The following LRP1B variants were observed in gnomAD, a reference collection of about 807,000 sequenced individuals.
LRP1B encodes the protein low-density lipoprotein receptor-related protein 1B.
Under a neutral mutation model 556.6 loss-of-function variants are expected in LRP1B, and 217 were observed. The ratio of observed to expected loss-of-function variants is 0.39; its 90% CI spans 0.35 to 0.44. The LOEUF (loss-of-function observed/expected upper bound fraction) is 0.44, where lower values mean the gene tolerates loss of function less well. Ranked by LOEUF, LRP1B falls within the 20% of genes least tolerant of loss-of-function variation. The probability of loss-of-function intolerance (pLI) is 1.00; values close to 1 mark genes in which losing one functional copy is unlikely to be tolerated. For synonymous variants in LRP1B, 2,047 were observed against 1,865.8 expected (o/e 1.10, Z -2.50); for missense variants, 5,053 against 5,620.8 (o/e 0.90, Z 3.23).
chr2:141,280,495 G>C (rs1031381336), intron 3 of LRP1B, among the ~76,000 whole-genome samples: 2 of 151,670 alleles, frequency 1.3e-5, no homozygotes, highest in Non-Finnish European at 2.9e-5. Context: ...AAATAATTGT[G>C]GTTTTTGCCA....
At chr2:140,665,788 G>C (rs1221730158) in intron 41 of LRP1B, among the ~76,000 whole-genome samples, 1 of 152,014 alleles carries the variant, frequency 6.6e-6, no homozygotes, top group East Asian at 1.9e-4. Flanking sequence ...TTTTCATAAA[G>C]AGTTGTTGTT....
intron 60 of LRP1B, among the ~76,000 whole-genome samples, chr2:140,468,854 T>G (rs549432118): frequency 6.6e-6 from 1 of 152,238 alleles, no homozygotes; most frequent in Non-Finnish European, 1.5e-5. Context: ...CTCTTTCTTC[T>G]TTCTCCTTTT....
chr2:141,494,897 A>G (rs1309273112), intron 2 of LRP1B, among the ~76,000 whole-genome samples: 1 of 151,616 alleles, frequency 6.6e-6, no homozygotes, highest in African/African-American at 2.4e-5. Context: ...CTAAACTACT[A>G]AATAGCTTCT....
intron 1 of LRP1B, among the ~76,000 whole-genome samples, chr2:141,995,425 C>G (rs1022698101): frequency 2.6e-5 from 4 of 152,078 alleles, no homozygotes; most frequent in African/African-American, 9.7e-5. Context: ...CTGACTCTTC[C>G]GCCTCCCTCT....
At chr2:141,794,087 T>A (rs191647796) in intron 2 of LRP1B, among the ~76,000 whole-genome samples, 2 of 151,954 alleles carry the variant, frequency 1.3e-5, no homozygotes, top group East Asian at 1.9e-4. Flanking sequence ...TCAGCCTTTT[T>A]TAAATTCCCA....
chr2:140,472,995 A>T (rs942035398), intron 60 of LRP1B, among the ~76,000 whole-genome samples: 1 of 152,230 alleles, frequency 6.6e-6, no homozygotes, highest in East Asian at 1.9e-4. Context: ...CACAAAAGTT[A>T]TCGATATAAA....
chr2:140,469,565 CT>C, intron 60 of LRP1B, among the ~76,000 whole-genome samples: 1 of 152,242 alleles, frequency 6.6e-6, no homozygotes, highest in Non-Finnish European at 1.5e-5. Context: ...TGCATGCTTT[CT>C]TTTATAGTAA....
chr2:141,212,624 A>G (rs996535757), intron 6 of LRP1B, among the ~76,000 whole-genome samples: 1 of 152,004 alleles, frequency 6.6e-6, no homozygotes, highest in Non-Finnish European at 1.5e-5. Context: ...AAAACAAAAC[A>G]GAAATAACCC....
intron 78 of LRP1B, 146 bp downstream of exon 78, chr2:140,335,469 T>A (rs958394438): frequency 4.8e-6 from 3 of 631,100 alleles, no homozygotes; most frequent in Non-Finnish European, 8.4e-6. Context: ...ACATGCTTTT[T>A]TACAGAAGAA....
intron 7 of LRP1B, among the ~76,000 whole-genome samples, chr2:141,131,440 G>C: frequency 2.1e-5 from 1 of 46,628 alleles, no homozygotes; most frequent in South Asian, 6.1e-4. Flanking sequence ...TTTGCTCTTA[G>C]AATTCCCTGT....
intron 31 of LRP1B, among the ~76,000 whole-genome samples, chr2:140,828,324 A>T (rs1173866226): frequency 2.0e-5 from 3 of 152,002 alleles, no homozygotes; most frequent in Non-Finnish European, 4.4e-5. Context: ...TAAAAGACAC[A>T]AAGGGCCGGG....
chr2:141,682,311 A>AG (rs1392528283), intron 2 of LRP1B, among the ~76,000 whole-genome samples: 1 of 151,804 alleles, frequency 6.6e-6, no homozygotes, highest in Non-Finnish European at 1.5e-5. Flanking sequence ...AAAAAATCAG[A>AG]GGAGAGGATG....
At chr2:141,053,424 A>T (rs1276493532) in intron 10 of LRP1B, among the ~76,000 whole-genome samples, 1 of 151,910 alleles carries the variant, frequency 6.6e-6, no homozygotes, top group Admixed American at 6.6e-5. Context: ...ATCAGATGAG[A>T]CTTAACTCTA....
chr2:141,824,963 G>T (rs2105735842), intron 1 of LRP1B, among the ~76,000 whole-genome samples: 1 of 152,224 alleles, frequency 6.6e-6, no homozygotes, highest in South Asian at 2.1e-4. Flanking sequence ...AAGATCCGAT[G>T]GTTTTTAAAG....
intron 32 of LRP1B, among the ~76,000 whole-genome samples, chr2:140,798,922 C>T (rs2105003850): frequency 6.6e-6 from 1 of 152,258 alleles, no homozygotes; most frequent in African/African-American, 2.4e-5. Flanking sequence ...TTATCTCCAT[C>T]ACACAGTTAC....
intron 35 of LRP1B, among the ~76,000 whole-genome samples, chr2:140,726,669 T>C (rs1220665614): frequency 6.6e-6 from 1 of 152,200 alleles, no homozygotes; most frequent in Non-Finnish European, 1.5e-5. Context: ...ATTTTCTTCT[T>C]TTAAATTATA....
chr2:141,831,201 A>G lies in LRP1B; in HGVS notation c.83-20800T>C, dbSNP rs574958685. Among the ~76,000 whole-genome samples the G allele has an allele frequency of 3.3e-5, 5 of 151,894 alleles. No homozygotes were observed. In the East Asian group the frequency reaches 9.6e-4, roughly 29 times the overall value. Reference sequence around the variant, plus strand: ...AAAAAAATAATTTTCACATCCAAGGACTAAAAGTAGTCACTTTATATATAT... The same window carrying G: ...AAAAAAATAATTTTCACATCCAAGGGCTAAAAGTAGTCACTTTATATATAT... On this transcript the variant is annotated intron_variant, in intron 1 of 90. Coordinates refer to ENST00000389484, the MANE Select transcript of LRP1B (RefSeq NM_018557.3).
chr2:141,585,468 T>TGTGA (rs1491458090), intron 2 of LRP1B, among the ~76,000 whole-genome samples: 6 of 138,942 alleles, frequency 4.3e-5, no homozygotes, highest in African/African-American at 1.4e-4. Flanking sequence ...TGTGTGTGTG[T>TGTGA]GATGGGGTGG....
intron 41 of LRP1B, among the ~76,000 whole-genome samples, chr2:140,642,284 C>T (rs1485544976): frequency 6.6e-6 from 1 of 152,206 alleles, no homozygotes; most frequent in Non-Finnish European, 1.5e-5. Flanking sequence ...GCTACTTCAT[C>T]TGTTCAGCTC....
Sources: gnomAD v4.1 joint callset for allele counts (sites outside exome capture counted in the v4.1 genomes callset) on GRCh38, gnomAD v4.1.1 for gene constraint, MANE v1.5 for transcripts, NCBI Gene and HGNC (gene_info 2026-07-23, HGNC 2026-07-21) for gene names.